TK2: variants seen among roughly 807,000 people sequenced by gnomAD.
TK2 encodes the protein thymidine kinase 2, also known as thymidine kinase 2, mitochondrial.
Under a neutral mutation model 41.9 loss-of-function variants are expected in TK2, and 35 were observed. The ratio of observed to expected loss-of-function variants is 0.84; its 90% confidence interval spans 0.64 to 1.11. The LOEUF is 1.11. Among genes scored for constraint, TK2 ranks in the 50% least tolerant of loss-of-function variants. TK2 has a pLI of 0.00. For synonymous variants in TK2, 128 were observed against 129.1 expected (o/e 0.99, Z 0.06); for missense variants, 320 against 351.1 (o/e 0.91, Z 0.71).
At chr16:66,549,381 G>C in intron 1 of TK2, 4 of 1,127,128 alleles carry the variant, frequency 3.5e-6, no homozygotes, top group Non-Finnish European at 3.3e-6. Context: ...TTGGGCCTGG[G>C]ACCCAGGTGT....
intron 2 of TK2, among the ~76,000 whole-genome samples, chr16:66,542,622 T>C (rs184368857): frequency 1.5e-3 from 235 of 152,230 alleles, no homozygotes; most frequent in Non-Finnish European, 2.4e-3. Context: ...TCACAATGAC[T>C]GCACGTGGGA....
intron 2 of TK2, among the ~76,000 whole-genome samples, chr16:66,546,999 C>A (rs545643264): frequency 2.3e-4 from 35 of 152,310 alleles, no homozygotes; most frequent in African/African-American, 8.4e-4. Flanking sequence ...GCAATCCTCC[C>A]ACCTTTGCCT....
intron 4 of TK2, among the ~76,000 whole-genome samples, chr16:66,532,780 C>T (rs773313948): frequency 1.3e-5 from 2 of 151,890 alleles, no homozygotes; most frequent in Non-Finnish European, 2.9e-5. Context: ...AGAACTAATA[C>T]TATTAAAATG....
Position 66,527,886 on chromosome 16 carries a change from GC to G in TK2, c.449+1107del, listed in dbSNP as rs1200614721. 2.6e-5 allele frequency among the ~76,000 whole-genome samples: 4 copies of G among 152,052 alleles called. No homozygotes were observed. The East Asian group carries it at 7.7e-4, about 29-fold the overall frequency. On this transcript the variant is annotated intron_variant, in intron 6 of 9. Coordinates refer to ENST00000544898, the MANE Select transcript of TK2 (RefSeq NM_004614.5). ...CTCTACTAAAAATACAAAAAAAATA[GC>G]CAGGTGTGGTGGTGTGTGCCTGTAG... is the stretch of plus-strand genomic sequence containing the variant.
At position 66,512,077 on chromosome 16, in the gene TK2, G is replaced by T. The variant is rs1964467305; in HGVS notation, c.700-11C>A. ...GTCAGCCTCAATCACCTGGAAATTA[G>T]ACACATGGGTCACAAGGCTGCACTG... On this transcript the variant is annotated splice_polypyrimidine_tract_variant and intron_variant, in intron 9 of 9. Coordinates refer to ENST00000544898, the MANE Select transcript of TK2 (RefSeq NM_004614.5). 1.4e-5 allele frequency: 23 copies of T among 1,612,114 alleles called. No homozygotes were observed. The highest frequency in any genetic ancestry group is 1.9e-5 in the Non-Finnish European group (22 of 1,178,188).
rs1187205780 is a variant in TK2 at position 66,550,019 on chromosome 16, G to A, written c.43C>T (p.Arg15Cys). 1.9e-6 allele frequency: 3 copies of A among 1,546,566 alleles called. No homozygotes were observed. The highest frequency in any genetic ancestry group is 1.7e-6 in the Non-Finnish European group (2 of 1,146,998). Residue 15 changes from arginine (R) to cysteine (C), a missense_variant, in exon 1 of 10, where the codon CGC becomes TGC. Coordinates refer to ENST00000544898, the MANE Select transcript of TK2 (RefSeq NM_004614.5). ...CCGCGACTTCCCGGCCCAAAGCAGCGCAGCGCCCGGGCGGCCCAGCCCCGC... is the reference window on the plus strand; with the variant it reads ...CCGCGACTTCCCGGCCCAAAGCAGCACAGCGCCCGGGCGGCCCAGCCCCGC... ...PLRGWAARAL[R>C]CFGPGSRGSP...
At chr16:66,540,129 A>AT (rs1406161769) in intron 3 of TK2, among the ~76,000 whole-genome samples, 5 of 147,430 alleles carry the variant, frequency 3.4e-5, no homozygotes, top group Admixed American at 6.8e-5. Flanking sequence ...GTTTATTATT[A>AT]TTTTTATCAA....
At chr16:66,534,696 T>C (rs1041045328) in intron 4 of TK2, among the ~76,000 whole-genome samples, 1 of 152,352 alleles carries the variant, frequency 6.6e-6, no homozygotes, top group Middle Eastern at 3.4e-3. Flanking sequence ...CACCTTATCA[T>C]AGACACATTC....
At chr16:66,531,780 C>T (rs946339534) in intron 4 of TK2, among the ~76,000 whole-genome samples, 17 of 152,310 alleles carry the variant, frequency 1.1e-4, no homozygotes, top group African/African-American at 3.1e-4. Flanking sequence ...ACCTTGTTCA[C>T]GGACAACATG....
In TK2 at chr16:66,529,102, G is replaced by A. The variant is rs373095713; in HGVS notation, c.376-35C>T. 508 of 1,602,532 alleles carry A rather than the reference G, an allele frequency of 3.2e-4. 1 individual carries two copies. Among genetic ancestry groups the A allele is most frequent in the Admixed American group, 6.2e-4 (37 of 59,990 alleles). On this transcript the variant is annotated intron_variant, in intron 5 of 9. Transcript: ENST00000544898. ...AACAAAAAGAGAATCACTAACTCAG[G>A]GGAAAAGGAGACAGCCAGGAGGCCT...
chr16:66,513,783 T>C lies in TK2; in HGVS notation c.647A>G (p.His216Arg), dbSNP rs538734975. ...LEYLEAIHHL[H>R]EEWLIKGSLF... ...GCTGCCTTTGATGAGCCACTCCTCA[T>C]GGAGATGGTGAATTGCTTCCAGGTA... Residue 216 changes from histidine to arginine, a missense_variant, in exon 9 of 10, where the codon CAT (histidine) becomes CGT (arginine). His to Arg is a conservative substitution (Grantham distance 29). Transcript: ENST00000544898. 1.2e-6 allele frequency: 2 copies of C among 1,613,994 alleles called. No homozygotes were observed. Among genetic ancestry groups the C allele is most frequent in the South Asian group, 2.2e-5 (2 of 91,076 alleles).
chr16:66,522,412 G>A (rs757556180), intron 6 of TK2, among the ~76,000 whole-genome samples: 4 of 152,204 alleles, frequency 2.6e-5, no homozygotes, highest in African/African-American at 4.8e-5. Flanking sequence ...CCCACTCCAC[G>A]CCCTCACTTC....
chr16:66,513,091 A>G (rs1964500104), intron 9 of TK2, among the ~76,000 whole-genome samples: 1 of 152,336 alleles, frequency 6.6e-6, no homozygotes, highest in South Asian at 2.1e-4. Context: ...GCCACTGCTT[A>G]TTTGTCTGAG....
chr16:66,519,784 T>C (rs754850794), intron 6 of TK2, among the ~76,000 whole-genome samples: 5 of 151,232 alleles, frequency 3.3e-5, no homozygotes, highest in East Asian at 3.9e-4. Context: ...AGACTGGCCA[T>C]GGGGGAGTGG....
rs1964549491 is a variant in TK2 at position 66,514,508 on chromosome 16, G to T, written c.619-697C>A. On this transcript the variant is annotated intron_variant, in intron 8 of 9. Transcript: ENST00000544898. This position sits in a 1 kb window ranked among gnomAD's most constrained non-coding sequence, Gnocchi z 4.2. ...CAGCCGCCTGCCTTGGCCTCCCAAA[G>T]TGCCGAGATTGCAGCCTCTGCCCGG... Among the ~76,000 whole-genome samples the T allele has an allele frequency of 6.6e-6, 1 of 152,198 alleles. No homozygotes were observed. Among genetic ancestry groups the T allele is most frequent in the African/African-American group, 2.4e-5 (1 of 41,450 alleles).
intron 9 of TK2, 107 bp downstream of exon 9, chr16:66,513,624 C>A: frequency 9.8e-7 from 1 of 1,020,660 alleles, no homozygotes; most frequent in South Asian, 1.3e-5. Context: ...TCTAAGTTGT[C>A]AAACTCTAAA....
chr16:66,540,102 G>A (rs996500589), intron 3 of TK2, among the ~76,000 whole-genome samples: 1 of 152,092 alleles, frequency 6.6e-6, no homozygotes, highest in Non-Finnish European at 1.5e-5. Context: ...AACACAGCAG[G>A]ACAAGGGCTA....
intron 4 of TK2, among the ~76,000 whole-genome samples, chr16:66,531,674 T>C (rs1404950846): frequency 6.6e-6 from 1 of 152,162 alleles, no homozygotes; most frequent in South Asian, 2.1e-4. Flanking sequence ...GTAACAGCTA[T>C]AATAGGAGCC....
intron 8 of TK2, among the ~76,000 whole-genome samples, chr16:66,515,376 C>T (rs1235196309): frequency 6.6e-6 from 1 of 152,156 alleles, no homozygotes; most frequent in Non-Finnish European, 1.5e-5. Context: ...ACCCTCCAGA[C>T]TATAAAGACC....
Sources: allele counts gnomAD v4.1 joint callset (sites outside exome capture counted in the v4.1 genomes callset), GRCh38; gene constraint gnomAD v4.1.1; non-coding constraint Gnocchi (gnomAD v3.1); transcripts MANE v1.5; gene names NCBI Gene and HGNC (gene_info 2026-07-23, HGNC 2026-07-21).